Variants in MLC1 observed in about 807,000 individuals in gnomAD.
MLC1 encodes the protein modulator of VRAC current 1, also known as membrane protein MLC1.
MLC1 carries 32 observed loss-of-function variants against 44.7 expected under a neutral mutation model. The ratio of observed to expected loss-of-function variants is 0.72; its 90% confidence interval spans 0.54 to 0.96. The LOEUF (loss-of-function observed/expected upper bound fraction) is 0.96, where lower values mean the gene tolerates loss of function less well. MLC1 is among the 40% of genes least tolerant of loss of function. The pLI is 0.00. For missense variants in MLC1, 459 were observed against 492.2 expected (o/e 0.93, Z 0.64); for synonymous variants, 190 against 213.0 (o/e 0.89, Z 0.94).
At chr22:50,064,575 C>T (rs2061663673) in intron 10 of MLC1, among the ~76,000 whole-genome samples, 1 of 152,128 alleles carries the variant, frequency 6.6e-6, no homozygotes, top group African/African-American at 2.4e-5. Flanking sequence ...CTGACCGTTC[C>T]GTGTCAGCAG....
chr22:50,063,870 GCACCC>G (rs2061636666), intron 11 of MLC1, among the ~76,000 whole-genome samples, 159 bp downstream of exon 11: 1 of 40,632 alleles, frequency 2.5e-5, no homozygotes, highest in Non-Finnish European at 4.7e-5. Flanking sequence ...CACCTCCCCA[GCACCC>G]CCTCCCCCTG....
chr22:50,068,719 CTTTTTCT>C (rs2061775701), intron 9 of MLC1, among the ~76,000 whole-genome samples, 164 bp from the exon 10 acceptor site: 1 of 109,774 alleles, frequency 9.1e-6, no homozygotes, highest in South Asian at 3.3e-4. Context: ...TTTCTTTTTT[CTTTTTCT>C]TTTTTTTTTT....
Position 50,083,315 on chromosome 22 carries a change from C to T in MLC1, c.178-142G>A, listed in dbSNP as rs2062194793. ...ATCAACCACACCCGCACCTGGGACC[C>T]GCCCATCCTGGACTCCTCCTGTAGG... On this transcript the variant is annotated intron_variant, in intron 2 of 11. Coordinates refer to ENST00000311597, the MANE Select transcript of MLC1 (RefSeq NM_015166.4). The surrounding 1 kb of genome is among the most constrained non-coding windows in gnomAD (Gnocchi z 4.6). The T allele has an allele frequency of 4.8e-5, 37 of 763,530 alleles. No individual in the cohort carries two copies. Among genetic ancestry groups the T allele is most frequent in the South Asian group, 4.2e-4 (28 of 66,628 alleles). 47.3% of individuals were successfully genotyped at this position (763,530 alleles called of 1,614,324 possible). A position where few individuals can be genotyped will look rare whatever the true frequency, so the allele number is the denominator to read the frequency against.
At chr22:50,076,222 A>C (rs1310430539) in intron 7 of MLC1, among the ~76,000 whole-genome samples, 1 of 152,214 alleles carries the variant, frequency 6.6e-6, no homozygotes, top group East Asian at 1.9e-4. Flanking sequence ...TGCTTATAAC[A>C]ATTATACCAA....
Position 50,068,730 on chromosome 22 carries a change from T to C in MLC1, c.772-175A>G, listed in dbSNP as rs113730184. Among the ~76,000 whole-genome samples, 3,757 of 92,228 alleles carry C rather than the reference T, an allele frequency of 0.041. 143 individuals are homozygous for C. The highest frequency in any genetic ancestry group is 0.11 in the African/African-American group (3,503 of 31,518). The allele number at this position is 92,228 out of a possible 152,430, so 60.5% of individuals were successfully genotyped here. A position where few individuals can be genotyped will look rare whatever the true frequency, so the allele number is the denominator to read the frequency against. The stretch of plus-strand genomic sequence containing the variant: ...GCCTTTTCTTTTTTCTTTTTCTTTT[T>C]TTTTTTTTTTTTTTTTGAGACAAGT... On this transcript the variant is annotated intron_variant, in intron 9 of 11. Transcript: ENST00000311597.
chr22:50,082,800 G>A (rs1426299057), intron 3 of MLC1, among the ~76,000 whole-genome samples: 1 of 152,096 alleles, frequency 6.6e-6, no homozygotes, highest in African/African-American at 2.4e-5. Context: ...GAGTAGCTGG[G>A]AGTACAGGCA....
Position 50,061,654 on chromosome 22 carries a change from C to A in MLC1, c.1063G>T (p.Ala355Ser). 3 of 1,613,166 alleles carry A rather than the reference C, an allele frequency of 1.9e-6. No homozygotes were observed. Among genetic ancestry groups the A allele is most frequent in the Non-Finnish European group, 2.5e-6 (3 of 1,179,830 alleles). The change falls in exon 12 of 12, where the codon GCC becomes TCC. Residue 355 changes from alanine to serine, a missense_variant. By Grantham distance (99) the Ala-to-Ser change is moderately conservative. Coordinates refer to ENST00000311597, the MANE Select transcript of MLC1 (RefSeq NM_015166.4). ...TCGAACTCCTTCAGGGGGCTCCTGGCCACCTGCAACCGAGACAGGAAAGGT... is the reference window on the plus strand; with the variant it reads ...TCGAACTCCTTCAGGGGGCTCCTGGACACCTGCAACCGAGACAGGAAAGGT... The part of the protein sequence containing the change: ...GPQERLAGEV[A>S]RSPLKEFDKE...
In MLC1 at chr22:50,083,787, T is replaced by A. The variant is rs541942090; in HGVS notation, c.178-614A>T. 6.6e-6 allele frequency among the ~76,000 whole-genome samples: 1 copy of A among 151,936 alleles called. No homozygotes were observed. The highest frequency in any genetic ancestry group is 1.5e-5 in the Non-Finnish European group (1 of 67,926). On this transcript the variant is annotated intron_variant, in intron 2 of 11. Coordinates refer to ENST00000311597, the MANE Select transcript of MLC1 (RefSeq NM_015166.4). The surrounding 1 kb of genome is among the most constrained non-coding windows in gnomAD (Gnocchi z 4.6). ...GTCTGAGGGGAGTCAGTATCAAAGG[T>A]CACTGGGACCCAGGGTCCTGGCAGA...
At position 50,084,770 on chromosome 22, in the gene MLC1, G is replaced by T; in HGVS notation, c.133C>A (p.Pro45Thr). 1.9e-6 allele frequency: 3 copies of T among 1,614,122 alleles called. No individual in the cohort carries two copies. The highest frequency in any genetic ancestry group is 2.5e-6 in the Non-Finnish European group (3 of 1,180,040). ...ACCCACGTCTTGTGGCTGAAGCAGG[G>T]GGGCAGTCTCTTCGACAGCTGCAGG... is the stretch of plus-strand genomic sequence containing the variant. ...SDLQLSKRLP[P>T]CFSHKTWVFS... Residue 45 changes from proline (P) to threonine (T), a missense_variant, in exon 2 of 12, where the codon CCC becomes ACC. Coordinates refer to ENST00000311597, the MANE Select transcript of MLC1 (RefSeq NM_015166.4).
rs7292565 is a variant in MLC1, at chr22:50,073,075, C to T, written c.714+1141G>A. ...CCCGGGCAGGCGTGGGCCCCTTCTC[C>T]GCAGTCCACCCGGCCATACCATTCC... On this transcript the variant is annotated intron_variant, in intron 8 of 11. Coordinates refer to ENST00000311597, the MANE Select transcript of MLC1 (RefSeq NM_015166.4). Among the ~76,000 whole-genome samples, 169 of 115,068 alleles carry T rather than the reference C, an allele frequency of 1.5e-3. 6 individuals are homozygous for T. In the South Asian group the frequency reaches 0.046, roughly 31 times the overall value. 75.5% of individuals were successfully genotyped at this position (115,068 alleles called of 152,430 possible).
intron 7 of MLC1, among the ~76,000 whole-genome samples, chr22:50,075,083 C>T (rs574267116): frequency 3.9e-5 from 6 of 152,106 alleles, no homozygotes; most frequent in Non-Finnish European, 7.4e-5. Context: ...GTTGTGGACT[C>T]ATCTGCCCGG....
intron 10 of MLC1, among the ~76,000 whole-genome samples, chr22:50,066,307 C>T (rs1038168676): frequency 2.0e-5 from 3 of 150,750 alleles, no homozygotes; most frequent in Non-Finnish European, 4.4e-5. Flanking sequence ...ATGACCAGCC[C>T]GGGCAACAGA....
At chr22:50,063,719 CTG>C (rs2061625439) in intron 11 of MLC1, among the ~76,000 whole-genome samples, 1 of 141,702 alleles carries the variant, frequency 7.1e-6, no homozygotes, top group Non-Finnish European at 1.5e-5. Flanking sequence ...CTGAGCACCC[CTG>C]TGGGCCACTC....
Position 50,068,015 on chromosome 22 carries a change from C to T in MLC1, c.894+418G>A, listed in dbSNP as rs571104832. ...TAAGAAATACATCTAGCTACACGTG[C>T]CTGAGCCTCAGAAGTCGTGTTGGAG... On this transcript the variant is annotated intron_variant, in intron 10 of 11. Coordinates refer to ENST00000311597, the MANE Select transcript of MLC1 (RefSeq NM_015166.4). 2.6e-5 allele frequency among the ~76,000 whole-genome samples: 4 copies of T among 152,216 alleles called. No homozygotes were observed. In the East Asian group the frequency reaches 7.7e-4, roughly 29 times the overall value.
At chr22:50,074,851 C>T (rs1400752411) in intron 7 of MLC1, among the ~76,000 whole-genome samples, 1 of 152,208 alleles carries the variant, frequency 6.6e-6, no homozygotes, top group African/African-American at 2.4e-5. Flanking sequence ...CGTTAGCACC[C>T]CTTTTCTAGA....
At chr22:50,069,571 G>A (rs1038907912) in intron 9 of MLC1, among the ~76,000 whole-genome samples, 13 of 151,836 alleles carry the variant, frequency 8.6e-5, no homozygotes, top group East Asian at 2.0e-4. Flanking sequence ...GCTTGAACCC[G>A]GGAGGCAGAG....
At chr22:50,067,678 T>C (rs183973008) in intron 10 of MLC1, among the ~76,000 whole-genome samples, 49 of 91,876 alleles carry the variant, frequency 5.3e-4, no homozygotes, top group South Asian at 2.9e-3. Flanking sequence ...AGTGACTCCA[T>C]CCCCCATCAG....
At chr22:50,069,377 G>A (rs1319622208) in intron 9 of MLC1, among the ~76,000 whole-genome samples, 1 of 152,080 alleles carries the variant, frequency 6.6e-6, no homozygotes, top group African/African-American at 2.4e-5. Context: ...AGGCAAGGTG[G>A]CTCACATCTG....
chr22:50,069,211 T>C (rs149986667), intron 9 of MLC1, among the ~76,000 whole-genome samples: 13,978 of 149,938 alleles, frequency 0.093, 790 homozygotes, highest in South Asian at 0.2. Flanking sequence ...GTATTTTTAG[T>C]AGAGACAGGG....
Sources: gnomAD v4.1 joint callset for allele counts (sites outside exome capture counted in the v4.1 genomes callset) on GRCh38, gnomAD v4.1.1 for gene constraint, Gnocchi (gnomAD v3.1) non-coding constraint, MANE v1.5 for transcripts, NCBI Gene and HGNC (gene_info 2026-07-23, HGNC 2026-07-21) for gene names.